The following PTPN11 variants were observed in gnomAD, a reference collection of about 807,000 sequenced individuals.
PTPN11 encodes the protein tyrosine-protein phosphatase non-receptor type 11.
PTPN11 carries 6 observed loss-of-function variants against 78.8 expected under a neutral mutation model. That is an observed-to-expected ratio of 0.08 (90% CI 0.04 to 0.15). The LOEUF (loss-of-function observed/expected upper bound fraction) is 0.15. PTPN11 is among the 10% of genes least tolerant of loss of function. The pLI is 1.00. For synonymous variants in PTPN11, 221 were observed against 263.5 expected, an observed-to-expected ratio of 0.84 and a Z score of 1.56; for missense variants, 386 against 744.8, an observed-to-expected ratio of 0.52 and a Z score of 5.61.
At chr12:112,454,816 ATCT>A in intron 5 of PTPN11, 136 bp downstream of exon 5, 1 of 676,052 alleles carries the variant, frequency 1.5e-6, no homozygotes, top group Non-Finnish European at 2.7e-6. Context: ...CAACTATCAA[ATCT>A]TTTTTTTTTT....
intron 1 of PTPN11, among the ~76,000 whole-genome samples, chr12:112,427,380 A>G (rs2135829483): frequency 6.6e-6 from 1 of 151,680 alleles, no homozygotes; most frequent in Admixed American, 6.6e-5. Context: ...CCCTGTCTCT[A>G]CTAAAAATAC....
intron 7 of PTPN11, among the ~76,000 whole-genome samples, chr12:112,475,920 A>G (rs1025510541): frequency 1.3e-5 from 2 of 152,204 alleles, no homozygotes; most frequent in African/African-American, 2.4e-5. Flanking sequence ...GAGCTGTAGC[A>G]TGGTACTAGT....
chr12:112,446,244 T>C (rs2037992418), intron 1 of PTPN11, 32 bp from the exon 2 acceptor site: 6 of 1,613,236 alleles, frequency 3.7e-6, no homozygotes, highest in African/African-American at 1.3e-5. Flanking sequence ...GTGTCTTGTT[T>C]TTTTATTACT....
At chr12:112,488,582 A>G in intron 12 of PTPN11, 72 bp downstream of exon 12, 2 of 1,441,048 alleles carry the variant, frequency 1.4e-6, no homozygotes, top group Non-Finnish European at 2.0e-6. Flanking sequence ...TCACGAAAAC[A>G]GTCTGGGGAA....
chr12:112,422,838 GA>G (rs1360951191), intron 1 of PTPN11, among the ~76,000 whole-genome samples: 1 of 152,214 alleles, frequency 6.6e-6, no homozygotes, highest in Non-Finnish European at 1.5e-5. Context: ...AGTGGCACAT[GA>G]TGCTGGAAAA....
chr12:112,448,201 ATTCTTTTTCTTTTT>A (rs1326079308), intron 2 of PTPN11, among the ~76,000 whole-genome samples: 2 of 146,226 alleles, frequency 1.4e-5, no homozygotes, highest in African/African-American at 5.0e-5. Flanking sequence ...TGTTTCTTTC[ATTCTTTTTCTTTTT>A]TTCTTTTTTT....
In PTPN11 at chr12:112,434,717, C is replaced by T. The variant is rs116568846; in HGVS notation, c.15-11559C>T. ...GTGTCGAGTGTGTTTCACACAGGCT[C>T]AGAGGGAGTAGTGTGTATATGCACA... is the stretch of plus-strand genomic sequence containing the variant. On this transcript the variant is annotated intron_variant, in intron 1 of 15. Coordinates refer to ENST00000351677, the MANE Select transcript of PTPN11 (RefSeq NM_002834.5). Among the ~76,000 whole-genome samples the T allele has an allele frequency of 5.9e-4, 90 of 152,124 alleles. 1 individual carries two copies. Among genetic ancestry groups the T allele is most frequent in the African/African-American group, 2.0e-3 (85 of 41,492 alleles).
chr12:112,492,177 C>T (rs2038754821), intron 13 of PTPN11, among the ~76,000 whole-genome samples: 1 of 152,152 alleles, frequency 6.6e-6, no homozygotes, highest in African/African-American at 2.4e-5. Flanking sequence ...GCATTTTTGG[C>T]AGGACTGTCA....
At chr12:112,472,770 G>A (rs141651916) in intron 6 of PTPN11, among the ~76,000 whole-genome samples, 174 bp from the exon 7 acceptor site, 2 of 152,166 alleles carry the variant, frequency 1.3e-5, no homozygotes, top group East Asian at 1.9e-4. Flanking sequence ...CAAAGTGTGG[G>A]GATTACAGGT....
At chr12:112,472,852 T>C in intron 6 of PTPN11, 92 bp from the exon 7 acceptor site, 1 of 1,023,114 alleles carries the variant, frequency 9.8e-7, no homozygotes, top group Non-Finnish European at 1.5e-6. Flanking sequence ...TTTCCTAGGA[T>C]GAATTCCTTA....
At chr12:112,444,691 G>A (rs2037963696) in intron 1 of PTPN11, among the ~76,000 whole-genome samples, 1 of 152,274 alleles carries the variant, frequency 6.6e-6, no homozygotes, top group East Asian at 1.9e-4. Context: ...AGGAAACTAA[G>A]AGAATGAACT....
intron 5 of PTPN11, among the ~76,000 whole-genome samples, chr12:112,455,126 C>A (rs969959241): frequency 6.6e-6 from 1 of 151,470 alleles, no homozygotes; most frequent in Non-Finnish European, 1.5e-5. Context: ...GGCCCTAAAT[C>A]TTTTCTTATT....
intron 7 of PTPN11, among the ~76,000 whole-genome samples, chr12:112,477,061 C>G (rs1197590574): frequency 1.3e-5 from 2 of 151,984 alleles, no homozygotes; most frequent in Admixed American, 1.3e-4. Context: ...GTGTCTCACT[C>G]TGTCATCCAG....
At chr12:112,427,172 G>A (rs906306083) in intron 1 of PTPN11, among the ~76,000 whole-genome samples, 1 of 151,952 alleles carries the variant, frequency 6.6e-6, no homozygotes, top group African/African-American at 2.4e-5. Flanking sequence ...CTTGAACCTG[G>A]AAGGTGGAGG....
At chr12:112,503,767 G>A (rs7953150) in intron 14 of PTPN11, among the ~76,000 whole-genome samples, 69,437 of 151,886 alleles carry the variant, frequency 0.46, 20,153 homozygotes, top group East Asian at 0.9. Flanking sequence ...CATTCCCGTC[G>A]TCTCCCTTGT....
At chr12:112,450,015 C>T (rs1438982584) in intron 2 of PTPN11, among the ~76,000 whole-genome samples, 5 of 151,192 alleles carry the variant, frequency 3.3e-5, no homozygotes, top group East Asian at 3.9e-4. Flanking sequence ...GTAAATCCAC[C>T]GCGAAGGTTG....
intron 3 of PTPN11, 46 bp downstream of exon 3, chr12:112,450,558 C>T (rs2038066366): frequency 6.4e-7 from 1 of 1,565,776 alleles, no homozygotes; most frequent in East Asian, 2.2e-5. Flanking sequence ...TCCCTTGTGC[C>T]CTGAGTGTCA....
intron 6 of PTPN11, among the ~76,000 whole-genome samples, chr12:112,471,452 G>A (rs2038414747): frequency 1.6e-5 from 2 of 127,154 alleles, no homozygotes; most frequent in East Asian, 2.9e-4. Context: ...ATGATAAACA[G>A]AAAGAGAGAG....
At chr12:112,454,785 T>A in intron 5 of PTPN11, 105 bp downstream of exon 5, 2 of 696,216 alleles carry the variant, frequency 2.9e-6, no homozygotes, top group Non-Finnish European at 5.2e-6. Context: ...ATCATCAGCC[T>A]CCATGTACCC....
Sources: gnomAD v4.1 joint callset for allele counts (sites outside exome capture counted in the v4.1 genomes callset) on GRCh38, gnomAD v4.1.1 for gene constraint, MANE v1.5 for transcripts, NCBI Gene and HGNC (gene_info 2026-07-23, HGNC 2026-07-21) for gene names.